Variants in ABAT observed in about 807,000 individuals in gnomAD.
ABAT encodes the protein 4-aminobutyrate aminotransferase.
In ABAT, 45 loss-of-function variants were observed where a neutral mutation model predicts 64.6. The observed-to-expected ratio is 0.70, with a 90% CI of 0.55 to 0.89. ABAT has a LOEUF of 0.89. Ranked by LOEUF, ABAT falls within the 40% of genes least tolerant of loss-of-function variation. ABAT has a pLI of 0.00. For missense variants in ABAT, 633 were observed against 658.4 expected (o/e 0.96, Z 0.42); for synonymous variants, 297 against 250.5 (o/e 1.19, Z -1.75).
At chr16:8,759,521 T>C (rs891523771) in intron 6 of ABAT, among the ~76,000 whole-genome samples, 1 of 152,046 alleles carries the variant, frequency 6.6e-6, no homozygotes, top group Non-Finnish European at 1.5e-5. Context: ...TGTTTGCTTG[T>C]TTTTTTCTTG....
At chr16:8,696,958 G>A (rs981200654) in intron 1 of ABAT, among the ~76,000 whole-genome samples, 1 of 152,184 alleles carries the variant, frequency 6.6e-6, no homozygotes, top group African/African-American at 2.4e-5. Context: ...CCAACTCTCA[G>A]CATGTAACTT....
intron 12 of ABAT, among the ~76,000 whole-genome samples, chr16:8,773,353 T>C (rs898279230): frequency 4.6e-5 from 7 of 152,162 alleles, no homozygotes; most frequent in African/African-American, 1.4e-4. Flanking sequence ...GATTTCGCCA[T>C]GTTGGCCAGG....
At chr16:8,740,770 G>A (rs1357581716) in intron 2 of ABAT, among the ~76,000 whole-genome samples, 1 of 152,222 alleles carries the variant, frequency 6.6e-6, no homozygotes, top group Non-Finnish European at 1.5e-5. Context: ...CATCAAAATT[G>A]TTATTGCTGG....
chr16:8,758,756 G>A (rs999592854), intron 6 of ABAT, among the ~76,000 whole-genome samples: 27 of 152,130 alleles, frequency 1.8e-4, no homozygotes, highest in African/African-American at 6.3e-4. Flanking sequence ...TGCAATACAT[G>A]ACACCTGTCT....
rs140027405 is a variant in ABAT, at chr16:8,689,409, C to T, written c.-42+14698C>T. Among the ~76,000 whole-genome samples the T allele has an allele frequency of 2.2e-4, 33 of 152,328 alleles. No individual in the cohort carries two copies. In the East Asian group the frequency reaches 5.0e-3, roughly 23 times the overall value. On this transcript the variant is annotated intron_variant, in intron 1 of 15. Transcript: ENST00000268251. ...CCTTAGAATATGATAGGCATTGCCT[C>T]GTTGCCCTCTAAAGAGACTGCACCA...
At chr16:8,743,400 C>A (rs1340099445) in intron 2 of ABAT, among the ~76,000 whole-genome samples, 2 of 105,288 alleles carry the variant, frequency 1.9e-5, no homozygotes, top group African/African-American at 4.6e-5. Context: ...GCTTTAGAGT[C>A]CCCTCTTGTG....
At chr16:8,748,485 C>T (rs2059393264) in intron 4 of ABAT, among the ~76,000 whole-genome samples, 1 of 152,060 alleles carries the variant, frequency 6.6e-6, no homozygotes, top group Non-Finnish European at 1.5e-5. Flanking sequence ...TCCATATGTA[C>T]TTGAGAAGAA....
intron 6 of ABAT, among the ~76,000 whole-genome samples, chr16:8,759,202 A>G (rs1390340804): frequency 5.9e-5 from 9 of 152,052 alleles, no homozygotes; most frequent in Non-Finnish European, 1.2e-4. Flanking sequence ...CATGTAACCA[A>G]AGTTTCACAA....
At chr16:8,734,906 C>A (rs2058867661) in intron 1 of ABAT, among the ~76,000 whole-genome samples, 1 of 151,916 alleles carries the variant, frequency 6.6e-6, no homozygotes, top group African/African-American at 2.4e-5. Flanking sequence ...CTCCAGGCTC[C>A]CAATAAGAAT....
intron 1 of ABAT, among the ~76,000 whole-genome samples, chr16:8,716,521 G>A (rs909941798): frequency 2.9e-4 from 44 of 152,146 alleles, no homozygotes; most frequent in Admixed American, 2.6e-3. Flanking sequence ...TACCCAGGGC[G>A]TGCTTCATGG....
chr16:8,780,879 A>G (rs1596475308), intron 15 of ABAT: 2 of 419,670 alleles, frequency 4.8e-6, no homozygotes, highest in Non-Finnish European at 8.9e-6. Flanking sequence ...ATAGCTCAGC[A>G]CCTCACACAT....
chr16:8,734,214 C>G (rs974727865), intron 1 of ABAT, among the ~76,000 whole-genome samples: 3 of 152,206 alleles, frequency 2.0e-5, no homozygotes, highest in African/African-American at 4.8e-5. Flanking sequence ...GCTCCTAGCA[C>G]CTTTCACTTT....
At chr16:8,762,748 T>G (rs1896536746) in intron 6 of ABAT, among the ~76,000 whole-genome samples, 1 of 152,134 alleles carries the variant, frequency 6.6e-6, no homozygotes, top group Non-Finnish European at 1.5e-5. Flanking sequence ...TTCCACCCTA[T>G]TCTCATGATG....
intron 1 of ABAT, among the ~76,000 whole-genome samples, chr16:8,696,974 G>T (rs2057717104): frequency 6.6e-6 from 1 of 152,194 alleles, no homozygotes; most frequent in South Asian, 2.1e-4. Context: ...AACTTACATT[G>T]CGCGTCGACT....
chr16:8,704,242 C>T (rs2057890617), intron 1 of ABAT, among the ~76,000 whole-genome samples: 1 of 152,236 alleles, frequency 6.6e-6, no homozygotes, highest in Admixed American at 6.5e-5. Context: ...AGCTCATCTC[C>T]TCTTTCCACA....
chr16:8,764,136 A>G lies in ABAT; in HGVS notation c.434A>G (p.Gln145Arg). The change falls in exon 7 of 16, where the codon CAG becomes CGG. Residue 145 changes from glutamine (Q) to arginine (R), a missense_variant. Gln to Arg is a conservative substitution (Grantham distance 43, BLOSUM62 1). Transcript: ENST00000268251. The surrounding 1 kb of genome is among the most constrained non-coding windows in gnomAD (Gnocchi z 4.2). ...GAGAACTTTGTGGAGAAGCTCCGGC[A>G]GTCCTTGCTCTCGGTGAGTTCTGGA... ...PPENFVEKLRQSLLSVAPKGM... is the reference protein window; with the variant it reads ...PPENFVEKLRRSLLSVAPKGM... 1 of 1,612,446 alleles carries G rather than the reference A, an allele frequency of 6.2e-7. No homozygotes were observed. The highest frequency in any genetic ancestry group is 8.5e-7 in the Non-Finnish European group (1 of 1,179,712).
At chr16:8,740,997 T>C (rs2059148081) in intron 2 of ABAT, among the ~76,000 whole-genome samples, 1 of 152,230 alleles carries the variant, frequency 6.6e-6, no homozygotes. Flanking sequence ...CGACATTCGT[T>C]TATCACTCTC....
At chr16:8,725,164 T>C (rs1294130114) in intron 1 of ABAT, among the ~76,000 whole-genome samples, 1 of 152,122 alleles carries the variant, frequency 6.6e-6, no homozygotes, top group Admixed American at 6.6e-5. Flanking sequence ...GATCTACCCG[T>C]CTCGGCCTCC....
At chr16:8,755,687 G>C (rs1428794718) in intron 5 of ABAT, among the ~76,000 whole-genome samples, 1 of 152,156 alleles carries the variant, frequency 6.6e-6, no homozygotes, top group Admixed American at 6.5e-5. Context: ...GAGGTGGGTG[G>C]ATCACTTGAG....
Sources: gnomAD v4.1 joint callset for allele counts (sites outside exome capture counted in the v4.1 genomes callset) on GRCh38, gnomAD v4.1.1 for gene constraint, Gnocchi (gnomAD v3.1) non-coding constraint, MANE v1.5 for transcripts, NCBI Gene and HGNC (gene_info 2026-07-23, HGNC 2026-07-21) for gene names.